PTPN13: variants seen among roughly 807,000 people sequenced by gnomAD.
PTPN13 encodes tyrosine-protein phosphatase non-receptor type 13.
In PTPN13, 191 loss-of-function variants were observed where a neutral mutation model predicts 284.0. The observed-to-expected ratio is 0.67, with a 90% CI of 0.60 to 0.76. PTPN13 has a LOEUF of 0.76. Among genes scored for constraint, PTPN13 ranks in the 30% least tolerant of loss-of-function variants. PTPN13 has a pLI of 0.00. For synonymous variants in PTPN13, 986 were observed against 1,022.3 expected (o/e 0.96, Z 0.68); for missense variants, 2,797 against 2,939.9 (o/e 0.95, Z 1.12).
intron 13 of PTPN13, 97 bp from the exon 14 acceptor site, chr4:86,734,640 A>G (rs1009292433): frequency 3.6e-6 from 5 of 1,400,582 alleles, no homozygotes; most frequent in Non-Finnish European, 4.8e-6. Context: ...AAGCTTAGTA[A>G]TAAACTCATG....
chr4:86,611,580 C>G (rs563996202), intron 1 of PTPN13, among the ~76,000 whole-genome samples: 1 of 152,200 alleles, frequency 6.6e-6, no homozygotes, highest in African/African-American at 2.4e-5. Context: ...GGACACTGTA[C>G]ATCGGGTAAT....
At chr4:86,667,433 T>C (rs1334356344) in intron 2 of PTPN13, among the ~76,000 whole-genome samples, 1 of 152,174 alleles carries the variant, frequency 6.6e-6, no homozygotes, top group East Asian at 1.9e-4. Context: ...AACAAAACTT[T>C]TGAGGAATTA....
chr4:86,772,546 C>T (rs1221754815), intron 31 of PTPN13, among the ~76,000 whole-genome samples: 1 of 151,690 alleles, frequency 6.6e-6, no homozygotes, highest in Non-Finnish European at 1.5e-5. Flanking sequence ...AGAGTGAGAC[C>T]GTGTCTCAAC....
At chr4:86,772,003 C>G (rs1407372214) in intron 31 of PTPN13, among the ~76,000 whole-genome samples, 1 of 152,158 alleles carries the variant, frequency 6.6e-6, no homozygotes, top group African/African-American at 2.4e-5. Flanking sequence ...CATAATTATT[C>G]ATACATTTTA....
chr4:86,642,868 T>C (rs1035051406), intron 2 of PTPN13, among the ~76,000 whole-genome samples: 1 of 152,190 alleles, frequency 6.6e-6, no homozygotes, highest in African/African-American at 2.4e-5. Context: ...TCAGTGTTCC[T>C]ACATAATAAA....
In PTPN13 at chr4:86,706,508, G is replaced by GTT. The variant is rs1731787145; in HGVS notation, c.1195+4707_1195+4708insTT. The stretch of plus-strand genomic sequence containing the variant: ...ACCATAAGGTGCAGGGGTTAAGGTG[G>GTT]AACTCCATTATGTTATCTATTGTGG... On this transcript the variant is annotated intron_variant, in intron 7 of 47. Coordinates refer to ENST00000411767, the MANE Select transcript of PTPN13 (RefSeq NM_080683.3). Among the ~76,000 whole-genome samples, 7 of 152,268 alleles carry GTT rather than the reference G, an allele frequency of 4.6e-5. No individual in the cohort carries two copies. The South Asian group carries it at 1.5e-3, about 32-fold the overall frequency.
At chr4:86,647,927 T>C (rs1285080597) in intron 2 of PTPN13, among the ~76,000 whole-genome samples, 3 of 152,102 alleles carry the variant, frequency 2.0e-5, no homozygotes, top group Non-Finnish European at 4.4e-5. Context: ...TAAATTTCTC[T>C]AACTTAAACC....
chr4:86,775,272 A>T lies in PTPN13; in HGVS notation c.5610A>T (p.Glu1870Asp). The T allele has an allele frequency of 6.2e-7, 1 of 1,613,776 alleles. No homozygotes were observed. The highest frequency in any genetic ancestry group is 1.1e-5 in the South Asian group (1 of 91,026). The part of the protein sequence containing the change: ...TVRLVIGRVL[E>D]LPRIPMLPHL... ...GATTAGTTATTGGACGAGTTCTAGA[A>T]TTACCCAGAATACCAATGTTGCCTC... is the stretch of plus-strand genomic sequence containing the variant. The change falls in exon 34 of 48, where the codon GAA becomes GAT. Residue 1870 changes from glutamate (E) to aspartate (D), a missense_variant. Transcript: ENST00000411767.
In PTPN13 at chr4:86,731,415, A is replaced by G. The variant is rs1459097747; in HGVS notation, c.1609-985A>G. Among the ~76,000 whole-genome samples, 6 of 152,226 alleles carry G rather than the reference A, an allele frequency of 3.9e-5. No individual in the cohort carries two copies. In the East Asian group the frequency reaches 1.2e-3, roughly 29 times the overall value. On this transcript the variant is annotated intron_variant, in intron 10 of 47. Coordinates refer to ENST00000411767, the MANE Select transcript of PTPN13 (RefSeq NM_080683.3). The stretch of plus-strand genomic sequence containing the variant: ...GAGAAGCACTAAATACAGAGTTTGC[A>G]CTCTACTTTCCCCATCTCATGGGTC...
intron 1 of PTPN13, among the ~76,000 whole-genome samples, chr4:86,596,082 CTTG>C (rs1763748102): frequency 6.6e-6 from 1 of 152,148 alleles, no homozygotes. Context: ...GACGTCCAAT[CTTG>C]TTTATTATAC....
At chr4:86,731,172 A>AT (rs1734908774) in intron 10 of PTPN13, among the ~76,000 whole-genome samples, 1 of 152,222 alleles carries the variant, frequency 6.6e-6, no homozygotes, top group African/African-American at 2.4e-5. Context: ...CATTAGTTCA[A>AT]GCACACACCT....
intron 1 of PTPN13, among the ~76,000 whole-genome samples, chr4:86,621,665 T>C (rs1008761298): frequency 6.6e-6 from 1 of 152,202 alleles, no homozygotes; most frequent in Admixed American, 6.5e-5. Flanking sequence ...AGACCTTTGC[T>C]GGGGATGTTT....
chr4:86,697,671 TATC>T (rs1730716797), intron 6 of PTPN13, among the ~76,000 whole-genome samples: 1 of 152,172 alleles, frequency 6.6e-6, no homozygotes, highest in South Asian at 2.1e-4. Flanking sequence ...ATATTAGTAA[TATC>T]ATGTTTCTTT....
In PTPN13 at chr4:86,730,781, C is replaced by T. The variant is rs967530549; in HGVS notation, c.1609-1619C>T. 8.5e-5 allele frequency among the ~76,000 whole-genome samples: 11 copies of T among 128,852 alleles called. 1 individual carries two copies. Among genetic ancestry groups the T allele is most frequent in the Admixed American group, 1.5e-4 (2 of 13,042 alleles). 84.5% of individuals were successfully genotyped at this position (128,852 alleles called of 152,430 possible). ...TTCCTGGGTGAGGTGATGCCCCGTC[C>T]GGCTTCAGCTCATCCTCCGATTGCT... is the stretch of plus-strand genomic sequence containing the variant. On this transcript the variant is annotated intron_variant, in intron 10 of 47. Transcript: ENST00000411767.
intron 2 of PTPN13, among the ~76,000 whole-genome samples, chr4:86,641,898 GT>G (rs1361553129): frequency 1.3e-5 from 2 of 152,150 alleles, no homozygotes; most frequent in Non-Finnish European, 2.9e-5. Context: ...GCTCGTGAAT[GT>G]TTGTGCTTAC....
chr4:86,775,665 T>C lies in PTPN13; in HGVS notation c.5891+13T>C, dbSNP rs759841513. On this transcript the variant is annotated intron_variant, in intron 35 of 47. Transcript: ENST00000411767. ...TGAAAGCAACAAGGTACTCTGCAAT[T>C]ATTTATGAGTTTTGATTGTGCGTGT... 1 of 1,593,780 alleles carries C rather than the reference T, an allele frequency of 6.3e-7. No individual in the cohort carries two copies. The highest frequency in any genetic ancestry group is 8.6e-7 in the Non-Finnish European group (1 of 1,166,742).
chr4:86,748,144 C>T (rs1455005341), intron 17 of PTPN13, among the ~76,000 whole-genome samples: 3 of 151,950 alleles, frequency 2.0e-5, no homozygotes, highest in Non-Finnish European at 4.4e-5. Context: ...AAATGAAGTC[C>T]CTCTCATAAA....
chr4:86,742,958 A>T (rs1488005790), intron 16 of PTPN13, among the ~76,000 whole-genome samples: 2 of 152,196 alleles, frequency 1.3e-5, no homozygotes, highest in Admixed American at 1.3e-4. Flanking sequence ...GGGAATAGAG[A>T]ATAGTTTGCA....
At chr4:86,810,624 A>C (rs933024936) in intron 46 of PTPN13, among the ~76,000 whole-genome samples, 1 of 152,216 alleles carries the variant, frequency 6.6e-6, no homozygotes, top group Admixed American at 6.5e-5. Context: ...TTTAAGTAGG[A>C]TGAAACCAAA....
Sources: gnomAD v4.1 joint callset for allele counts (sites outside exome capture counted in the v4.1 genomes callset) on GRCh38, gnomAD v4.1.1 for gene constraint, MANE v1.5 for transcripts, NCBI Gene and HGNC (gene_info 2026-07-23, HGNC 2026-07-21) for gene names.